STIL: variants seen among roughly 807,000 people sequenced by gnomAD.
STIL encodes STIL centriolar assembly protein.
In STIL, 55 loss-of-function variants were observed where a neutral mutation model predicts 110.1. The observed-to-expected ratio is 0.50, with a 90% CI of 0.40 to 0.63. The LOEUF (loss-of-function observed/expected upper bound fraction) is 0.63, where lower values mean the gene tolerates loss of function less well. STIL is among the 20% of genes least tolerant of loss of function. STIL has a pLI of 0.00. For missense variants in STIL, 1,358 were observed against 1,530.0 expected, an observed-to-expected ratio of 0.89 and a Z score of 1.87; for synonymous variants, 481 against 530.0, an observed-to-expected ratio of 0.91 and a Z score of 1.27.
intron 2 of STIL, among the ~76,000 whole-genome samples, chr1:47,308,069 G>A (rs952770688): frequency 6.6e-6 from 1 of 152,192 alleles, no homozygotes; most frequent in East Asian, 1.9e-4. Flanking sequence ...TTTTAATTTC[G>A]CCTCAGTCCT....
intron 7 of STIL, among the ~76,000 whole-genome samples, chr1:47,294,112 G>C (rs1481443346): frequency 5.3e-5 from 8 of 152,158 alleles, no homozygotes; most frequent in Non-Finnish European, 8.8e-5. Context: ...CATTCACTTT[G>C]CATGTGCCAT....
intron 3 of STIL, among the ~76,000 whole-genome samples, chr1:47,304,289 G>A (rs1039382138): frequency 1.3e-5 from 2 of 151,666 alleles, no homozygotes; most frequent in Non-Finnish European, 2.9e-5. Flanking sequence ...AAAGTGCTGG[G>A]GTTACAGGTG....
Position 47,295,112 on chromosome 1 carries a change from G to A in STIL, c.785+653C>T, listed in dbSNP as rs150013917. Among the ~76,000 whole-genome samples, 879 of 151,896 alleles carry A rather than the reference G, an allele frequency of 5.8e-3. 8 individuals are homozygous for A. Among genetic ancestry groups the A allele is most frequent in the African/African-American group, 0.02 (826 of 41,436 alleles). Reference sequence around the variant, plus strand: ...AATTTTTTGTATTTTTAGTAGAAATGGGGTTTCACCATGTTATCCAGGCTG... The same window carrying A: ...AATTTTTTGTATTTTTAGTAGAAATAGGGTTTCACCATGTTATCCAGGCTG... On this transcript the variant is annotated intron_variant, in intron 7 of 16. Coordinates refer to ENST00000371877, the MANE Select transcript of STIL (RefSeq NM_001048166.1).
Position 47,289,715 on chromosome 1 carries a change from G to T in STIL, c.873-130C>A, listed in dbSNP as rs1487779214. The T allele has an allele frequency of 5.8e-6, 5 of 855,820 alleles. 1 individual carries two copies. Among genetic ancestry groups the T allele is most frequent in the African/African-American group, 3.4e-5 (2 of 58,900 alleles). The allele number at this position is 855,820 out of a possible 1,614,324, so 53.0% of individuals were successfully genotyped here. A position where few individuals can be genotyped will look rare whatever the true frequency, so the allele number is the denominator to read the frequency against. ...GTGCAATTTTTGTTCAAAAACTGGG[G>T]TCCACCACTTAGGAAGGCAAAAGGT... is the stretch of plus-strand genomic sequence containing the variant. On this transcript the variant is annotated intron_variant, in intron 8 of 16. Transcript: ENST00000371877.
At chr1:47,292,031 T>G (rs963083958) in intron 8 of STIL, among the ~76,000 whole-genome samples, 1 of 145,836 alleles carries the variant, frequency 6.9e-6, no homozygotes, top group Non-Finnish European at 1.5e-5. Flanking sequence ...TGTTTTTTGT[T>G]TTTTTTTTTT....
chr1:47,255,561 A>G (rs571617507), intron 16 of STIL, among the ~76,000 whole-genome samples: 1 of 151,964 alleles, frequency 6.6e-6, no homozygotes, highest in East Asian at 1.9e-4. Context: ...AAAAAAAAAA[A>G]AAAAAAAGTC....
chr1:47,260,331 G>C lies in STIL; in HGVS notation c.3038C>G (p.Pro1013Arg). 5 of 1,614,064 alleles carry C rather than the reference G, an allele frequency of 3.1e-6. No individual in the cohort carries two copies. The highest frequency in any genetic ancestry group is 4.2e-6 in the Non-Finnish European group (5 of 1,180,016). ...ATGTGCATTTTTCTTCACTTTAGTG[G>C]GAGAATCAATTTTTACTCCAAGGCT... The part of the protein sequence containing the change: ...LRSLGVKIDS[P>R]TKVKKNAHNV... The change falls in exon 16 of 17, where the codon CCC becomes CGC. Residue 1013 changes from proline (P) to arginine (R), a missense_variant. By Grantham distance (103) the Pro-to-Arg change is moderately radical. Transcript: ENST00000371877.
rs1363323141 is a variant in STIL, at chr1:47,259,978, T to C, written c.3080+311A>G. On this transcript the variant is annotated intron_variant, in intron 16 of 16. Transcript: ENST00000371877. ...CAGATGCTACCAAGCAAAACTCCTTTCTCTTTCCTCAAGACTCCTAAAGTA... is the reference window on the plus strand; with the variant it reads ...CAGATGCTACCAAGCAAAACTCCTTCCTCTTTCCTCAAGACTCCTAAAGTA... Among the ~76,000 whole-genome samples, 4 of 152,202 alleles carry C rather than the reference T, an allele frequency of 2.6e-5. No individual in the cohort carries two copies. The East Asian group carries it at 7.7e-4, about 29-fold the overall frequency.
rs75953887 is a variant in STIL, at chr1:47,255,186, G to A, written c.3081-3264C>T. On this transcript the variant is annotated intron_variant, in intron 16 of 16. Transcript: ENST00000371877. ...ATATAAACACTAGGGTAATTAAGACGAAAAGCAAAAAGGAACCCATTCCAC... is the reference window on the plus strand; with the variant it reads ...ATATAAACACTAGGGTAATTAAGACAAAAAGCAAAAAGGAACCCATTCCAC... Among the ~76,000 whole-genome samples the A allele has an allele frequency of 4.0e-3, 609 of 151,916 alleles. 3 individuals are homozygous for A. Among genetic ancestry groups the A allele is most frequent in the African/African-American group, 0.014 (584 of 41,460 alleles).
At chr1:47,295,687 G>A (rs897296862) in intron 7 of STIL, 78 bp downstream of exon 7, 15 of 993,904 alleles carry the variant, frequency 1.5e-5, no homozygotes, top group Middle Eastern at 2.2e-4. Flanking sequence ...AATATTTATA[G>A]TACAACTGAG....
chr1:47,254,226 T>A (rs951048306), intron 16 of STIL, among the ~76,000 whole-genome samples: 1 of 142,606 alleles, frequency 7.0e-6, no homozygotes, highest in Non-Finnish European at 1.5e-5. Context: ...CTGAAACCAG[T>A]GATGCCATCA....
rs114959295 is a variant in STIL at position 47,275,292 on chromosome 1, G to C, written c.2218-3051C>G. Reference sequence around the variant, plus strand: ...AAGAAGCAACAAATATAATCCTGAAGGGAGAGGGAGAATTTTTTAAAAAGA... The same window carrying C: ...AAGAAGCAACAAATATAATCCTGAACGGAGAGGGAGAATTTTTTAAAAAGA... On this transcript the variant is annotated intron_variant, in intron 12 of 16. Coordinates refer to ENST00000371877, the MANE Select transcript of STIL (RefSeq NM_001048166.1). Among the ~76,000 whole-genome samples, 4 of 151,704 alleles carry C rather than the reference G, an allele frequency of 2.6e-5. No individual in the cohort carries two copies. The East Asian group carries it at 7.8e-4, about 29-fold the overall frequency.
In STIL at chr1:47,309,821, C is replaced by G. The variant is rs548580652; in HGVS notation, c.44+455G>C. ...TTGGTATACCTAATGTGAAATTATT[C>G]CCATCAAGGAATCAGTATTTGTAAG... On this transcript the variant is annotated intron_variant, in intron 2 of 16. Coordinates refer to ENST00000371877, the MANE Select transcript of STIL (RefSeq NM_001048166.1). Among the ~76,000 whole-genome samples the G allele has an allele frequency of 8.5e-5, 13 of 152,240 alleles. No homozygotes were observed. The South Asian group carries it at 2.7e-3, about 32-fold the overall frequency.
At position 47,287,091 on chromosome 1, in the gene STIL, G is replaced by A. The variant is rs554079091; in HGVS notation, c.1133+460C>T. 1.1e-4 allele frequency among the ~76,000 whole-genome samples: 16 copies of A among 152,172 alleles called. No individual in the cohort carries two copies. The East Asian group carries it at 2.7e-3, about 26-fold the overall frequency. On this transcript the variant is annotated intron_variant, in intron 10 of 16. Coordinates refer to ENST00000371877, the MANE Select transcript of STIL (RefSeq NM_001048166.1). The stretch of plus-strand genomic sequence containing the variant: ...AAAACTATAAGGAAGGGTTGGGGAC[G>A]ATGGTTCACACACGTGATCCCAGCA...
rs1314655102 is a variant in STIL, at chr1:47,253,999, CA to C, written c.3081-2078del. 2.0e-5 allele frequency among the ~76,000 whole-genome samples: 3 copies of C among 151,648 alleles called. No homozygotes were observed. The South Asian group carries it at 6.2e-4, about 32-fold the overall frequency. On this transcript the variant is annotated intron_variant, in intron 16 of 16. Transcript: ENST00000371877. ...TTTGAGACCAACCTGGCCAACATGG[CA>C]AAACCCCGTCTCTACTAAAAATACA...
intron 16 of STIL, among the ~76,000 whole-genome samples, chr1:47,258,307 T>C (rs187243225): frequency 5.9e-5 from 9 of 152,304 alleles, no homozygotes; most frequent in East Asian, 3.9e-4. Context: ...TACTAAGACT[T>C]TGAATGCACA....
intron 16 of STIL, among the ~76,000 whole-genome samples, chr1:47,259,368 C>T (rs373909590): frequency 1.4e-5 from 2 of 139,584 alleles, no homozygotes; most frequent in African/African-American, 2.7e-5. Context: ...CGGCTCACTG[C>T]GACCTCTGCC....
intron 14 of STIL, among the ~76,000 whole-genome samples, chr1:47,263,897 C>T (rs139497838): frequency 4.5e-4 from 69 of 152,020 alleles, no homozygotes; most frequent in African/African-American, 1.6e-3. Context: ...GGATTACAGG[C>T]ATGCACCACC....
chr1:47,292,028 TG>T (rs1283472951), intron 8 of STIL, among the ~76,000 whole-genome samples: 23 of 148,460 alleles, frequency 1.5e-4, no homozygotes, highest in African/African-American at 4.4e-4. Context: ...ACTTGTTTTT[TG>T]TTTTTTTTTT....
Sources: allele counts gnomAD v4.1 joint callset (sites outside exome capture counted in the v4.1 genomes callset), GRCh38; gene constraint gnomAD v4.1.1; transcripts MANE v1.5; gene names NCBI Gene and HGNC (gene_info 2026-07-23, HGNC 2026-07-21).